Variants in SLC8A1 observed in about 807,000 individuals in gnomAD.
SLC8A1 encodes the protein solute carrier family 8 member A1.
A neutral mutation model predicts 68.3 loss-of-function variants in SLC8A1; 18 were observed. That is an observed-to-expected ratio of 0.26 (90% CI 0.18 to 0.39). The LOEUF is 0.39. SLC8A1 is among the 10% of genes least tolerant of loss of function. The probability of loss-of-function intolerance (pLI) is 1.00; values close to 1 mark genes in which losing one functional copy is unlikely to be tolerated. For synonymous variants in SLC8A1, 475 were observed against 415.5 expected, an observed-to-expected ratio of 1.14 and a Z score of -1.74; for missense variants, 985 against 1,156.7, an observed-to-expected ratio of 0.85 and a Z score of 2.15.
chr2:40,197,991 A>G (rs1054478598), intron 2 of SLC8A1, among the ~76,000 whole-genome samples: 1 of 151,976 alleles, frequency 6.6e-6, no homozygotes, highest in Non-Finnish European at 1.5e-5. Flanking sequence ...CTATAGCGAC[A>G]AAGTGAATAT....
At chr2:40,428,927 T>A in exon 2 of SLC8A1, 1 of 1,613,826 alleles carries the variant, frequency 6.2e-7, no homozygotes, top group Non-Finnish European at 8.5e-7. Flanking sequence ...GACCCAGCAT[T>A]TGCTGTGCCA....
intron 2 of SLC8A1, among the ~76,000 whole-genome samples, chr2:40,300,974 A>T (rs1281997632): frequency 1.3e-5 from 2 of 152,192 alleles, no homozygotes; most frequent in African/African-American, 4.8e-5. Context: ...TTATGAGGAT[A>T]GGGATATTTC....
intron 7 of SLC8A1, among the ~76,000 whole-genome samples, chr2:40,122,177 CTT>C (rs1331506245): frequency 6.6e-6 from 1 of 151,514 alleles, no homozygotes; most frequent in Non-Finnish European, 1.5e-5. Context: ...GAAAACCTCT[CTT>C]TCTCTCTCAC....
Position 40,138,121 on chromosome 2 carries a change from A to G in SLC8A1, c.2437+1280T>C, listed in dbSNP as rs534594579. ...TTTCCAATCTTGACCATAATTCTGC[A>G]TGTTAAGTATGATTATCCCTATTTT... On this transcript the variant is annotated intron_variant, in intron 7 of 7. Transcript: ENST00000406785. 3.3e-5 allele frequency among the ~76,000 whole-genome samples: 5 copies of G among 152,294 alleles called. No individual in the cohort carries two copies. In the East Asian group the frequency reaches 9.7e-4, roughly 29 times the overall value.
At chr2:40,221,696 G>C (rs958354231) in intron 2 of SLC8A1, among the ~76,000 whole-genome samples, 1 of 152,196 alleles carries the variant, frequency 6.6e-6, no homozygotes, top group African/African-American at 2.4e-5. Context: ...CAAAATCAAT[G>C]TGCAAAAATC....
At chr2:40,176,665 A>G (rs549773932) in intron 3 of SLC8A1, among the ~76,000 whole-genome samples, 1 of 152,296 alleles carries the variant, frequency 6.6e-6, no homozygotes, top group East Asian at 1.9e-4. Flanking sequence ...ACATGGGATG[A>G]ACGTGGGATA....
At chr2:40,246,315 C>T (rs911435374) in intron 2 of SLC8A1, among the ~76,000 whole-genome samples, 2 of 152,192 alleles carry the variant, frequency 1.3e-5, no homozygotes, top group South Asian at 4.1e-4. Context: ...GGTCCTGATT[C>T]CACTTCAAAA....
rs548507515 is a variant in SLC8A1, at chr2:40,201,979, T to G, written c.1809-24124A>C. On this transcript the variant is annotated intron_variant, in intron 2 of 7. Coordinates refer to ENST00000406785, the Ensembl canonical transcript of SLC8A1. ...ACACTGAACATTTGAACATTAGATATATAAAAGCATGTGTATATGCATGCA... is the reference window on the plus strand; with the variant it reads ...ACACTGAACATTTGAACATTAGATAGATAAAAGCATGTGTATATGCATGCA... Among the ~76,000 whole-genome samples, 38 of 152,112 alleles carry G rather than the reference T, an allele frequency of 2.5e-4. No homozygotes were observed. In the South Asian group the frequency reaches 6.8e-3, roughly 27 times the overall value.
At chr2:40,295,883 C>T (rs565534381) in intron 2 of SLC8A1, among the ~76,000 whole-genome samples, 8 of 152,174 alleles carry the variant, frequency 5.3e-5, no homozygotes, top group African/African-American at 1.7e-4. Flanking sequence ...GCCCTTTCTG[C>T]GTACTTCTGA....
chr2:40,194,830 G>A (rs1052054749), intron 2 of SLC8A1, among the ~76,000 whole-genome samples: 1 of 151,980 alleles, frequency 6.6e-6, no homozygotes, highest in African/African-American at 2.4e-5. Context: ...AACTCAACCC[G>A]CCCACTGGAG....
chr2:40,505,382 C>G (rs4952418), intron 1 of SLC8A1, among the ~76,000 whole-genome samples: 151,995 of 151,996 alleles, frequency 1, 75,997 homozygotes, highest in Non-Finnish European at 1. Flanking sequence ...ATGCTTGAGG[C>G]GATGGATATC....
chr2:40,492,931 G>C (rs1240569713), intron 1 of SLC8A1, among the ~76,000 whole-genome samples: 1 of 152,010 alleles, frequency 6.6e-6, no homozygotes, highest in East Asian at 1.9e-4. Context: ...GTGGAAGTCA[G>C]TGTGGCCATT....
intron 2 of SLC8A1, among the ~76,000 whole-genome samples, chr2:40,227,371 C>T (rs968727468): frequency 1.3e-5 from 2 of 152,014 alleles, no homozygotes; most frequent in Non-Finnish European, 2.9e-5. Flanking sequence ...GTTTTCCTTT[C>T]TTTATACCCT....
intron 2 of SLC8A1, among the ~76,000 whole-genome samples, chr2:40,377,295 CAT>C (rs1450039427): frequency 1.3e-5 from 2 of 152,014 alleles, no homozygotes; most frequent in Non-Finnish European, 2.9e-5. Context: ...CCAAAAACCA[CAT>C]GAGTTTTGAA....
intron 7 of SLC8A1, among the ~76,000 whole-genome samples, chr2:40,128,527 T>G (rs972070249): frequency 1.3e-5 from 2 of 152,034 alleles, no homozygotes; most frequent in Non-Finnish European, 2.9e-5. Flanking sequence ...TTTGTGAGAG[T>G]TGCCTCCTTA....
At chr2:40,211,151 C>G (rs896037681) in intron 2 of SLC8A1, among the ~76,000 whole-genome samples, 4 of 152,216 alleles carry the variant, frequency 2.6e-5, no homozygotes, top group African/African-American at 9.6e-5. Context: ...GTGGGCATCT[C>G]TCCAGTCATC....
chr2:40,249,609 A>G (rs1366600918), intron 2 of SLC8A1, among the ~76,000 whole-genome samples: 1 of 151,512 alleles, frequency 6.6e-6, no homozygotes, highest in African/African-American at 2.4e-5. Context: ...CTCTAAAAAT[A>G]TTCAAGCTTT....
intron 2 of SLC8A1, among the ~76,000 whole-genome samples, chr2:40,418,579 C>A (rs955583070): frequency 1.3e-5 from 2 of 152,172 alleles, no homozygotes; most frequent in Non-Finnish European, 1.5e-5. Context: ...CTGTAGTAGC[C>A]TCATTTGCTC....
intron 2 of SLC8A1, among the ~76,000 whole-genome samples, chr2:40,386,223 C>T (rs1385823922): frequency 6.6e-6 from 1 of 151,278 alleles, no homozygotes; most frequent in Non-Finnish European, 1.5e-5. Context: ...AAATGACTAC[C>T]TGTTATTAAT....
Sources: allele counts gnomAD v4.1 joint callset (sites outside exome capture counted in the v4.1 genomes callset), GRCh38; gene constraint gnomAD v4.1.1; transcripts MANE v1.5; gene names NCBI Gene and HGNC (gene_info 2026-07-23, HGNC 2026-07-21).